RGS7: variants seen among roughly 807,000 people sequenced by gnomAD.
The protein encoded by RGS7 is regulator of G-protein signaling 7.
In RGS7, 27 loss-of-function variants were observed where a neutral mutation model predicts 81.1. The observed-to-expected ratio is 0.33, with a 90% CI of 0.25 to 0.46. RGS7 has a LOEUF of 0.46. Among genes scored for constraint, RGS7 ranks in the 20% least tolerant of loss-of-function variants. The probability of loss-of-function intolerance (pLI) is 1.00; values close to 1 mark genes in which losing one functional copy is unlikely to be tolerated. For synonymous variants in RGS7, 208 were observed against 207.7 expected (o/e 1.00, Z -0.01); for missense variants, 396 against 607.4 (o/e 0.65, Z 3.66).
chr1:241,247,626 G>C (rs1242959207), intron 2 of RGS7, among the ~76,000 whole-genome samples: 1 of 152,052 alleles, frequency 6.6e-6, no homozygotes, highest in Non-Finnish European at 1.5e-5. Context: ...CAGGTGGTAT[G>C]CATGGCCACC....
intron 4 of RGS7, among the ~76,000 whole-genome samples, chr1:240,970,224 A>T (rs1682977340): frequency 6.6e-6 from 1 of 152,196 alleles, no homozygotes; most frequent in South Asian, 2.1e-4. Flanking sequence ...CAGAAACTCA[A>T]ACCTGAAAAA....
chr1:240,867,621 A>G (rs1353212898), intron 9 of RGS7, among the ~76,000 whole-genome samples: 1 of 152,232 alleles, frequency 6.6e-6, no homozygotes, highest in East Asian at 1.9e-4. Context: ...TATGTCATTA[A>G]AAGTGTGAGC....
chr1:241,190,209 T>C (rs1486806370), intron 2 of RGS7, among the ~76,000 whole-genome samples: 1 of 152,208 alleles, frequency 6.6e-6, no homozygotes, highest in Non-Finnish European at 1.5e-5. Flanking sequence ...TCTGTTCCAC[T>C]GATAATCTTG....
At chr1:240,886,268 T>C (rs925621118) in intron 6 of RGS7, among the ~76,000 whole-genome samples, 1 of 152,196 alleles carries the variant, frequency 6.6e-6, no homozygotes, top group African/African-American at 2.4e-5. Context: ...TTGCACCTTT[T>C]TAAAGTACCA....
chr1:241,356,861 G>A (rs1275226342), intron 1 of RGS7, 38 bp downstream of exon 1: 1 of 151,368 alleles, frequency 6.6e-6, no homozygotes, highest in Non-Finnish European at 1.5e-5. Flanking sequence ...AGGGCTCTGG[G>A]TGGCGCTGCC....
chr1:241,260,166 TC>T (rs1353494523), intron 2 of RGS7, among the ~76,000 whole-genome samples: 1 of 152,186 alleles, frequency 6.6e-6, no homozygotes, highest in African/African-American at 2.4e-5. Flanking sequence ...ATCTCACTCT[TC>T]TTTGAGCTCC....
chr1:241,058,284 G>C (rs1226997828), intron 3 of RGS7, among the ~76,000 whole-genome samples: 1 of 152,194 alleles, frequency 6.6e-6, no homozygotes, highest in Non-Finnish European at 1.5e-5. Context: ...TAAACACACT[G>C]CCCATGCTCA....
intron 2 of RGS7, among the ~76,000 whole-genome samples, chr1:241,226,321 GA>G (rs2075305801): frequency 2.0e-5 from 3 of 152,212 alleles, no homozygotes; most frequent in African/African-American, 4.8e-5. Flanking sequence ...CAACGTTTGA[GA>G]GGAGGCTGGA....
intron 2 of RGS7, among the ~76,000 whole-genome samples, chr1:241,202,077 A>G (rs900080711): frequency 6.6e-6 from 1 of 151,066 alleles, no homozygotes; most frequent in Non-Finnish European, 1.5e-5. Flanking sequence ...TACTTCCACA[A>G]CAGTTTGACT....
At chr1:240,969,145 CA>C (rs1682803163) in intron 4 of RGS7, among the ~76,000 whole-genome samples, 1 of 152,160 alleles carries the variant, frequency 6.6e-6, no homozygotes, top group Non-Finnish European at 1.5e-5. Flanking sequence ...TAGCTTTATC[CA>C]GTGCTTTTTA....
intron 2 of RGS7, among the ~76,000 whole-genome samples, chr1:241,206,230 CT>C (rs35296035): frequency 0.033 from 4,463 of 135,906 alleles, 81 homozygotes; most frequent in South Asian, 0.12. Flanking sequence ...AAAGAATGAA[CT>C]TTTTTTTTTT....
At chr1:240,983,973 G>C (rs1387838750) in intron 3 of RGS7, among the ~76,000 whole-genome samples, 1 of 152,158 alleles carries the variant, frequency 6.6e-6, no homozygotes, top group Non-Finnish European at 1.5e-5. Flanking sequence ...GATTTTGAAG[G>C]ATGTATTTTT....
intron 3 of RGS7, among the ~76,000 whole-genome samples, chr1:241,085,190 A>G (rs113954235): frequency 9.2e-5 from 14 of 152,314 alleles, no homozygotes; most frequent in African/African-American, 3.1e-4. Context: ...AATTCATCCA[A>G]TAGGGAAAGC....
chr1:241,084,947 T>C (rs1258189691), intron 3 of RGS7, among the ~76,000 whole-genome samples: 4 of 152,250 alleles, frequency 2.6e-5, no homozygotes, highest in Non-Finnish European at 5.9e-5. Flanking sequence ...AGTTCCATCT[T>C]CAAACACATT....
intron 3 of RGS7, among the ~76,000 whole-genome samples, chr1:241,034,020 C>T (rs537689345): frequency 3.0e-4 from 46 of 152,252 alleles, no homozygotes; most frequent in African/African-American, 8.7e-4. Flanking sequence ...AACTCTTGCA[C>T]GAAGAAGCAT....
intron 3 of RGS7, among the ~76,000 whole-genome samples, chr1:241,050,814 T>G (rs1003455523): frequency 2.0e-5 from 3 of 152,222 alleles, no homozygotes; most frequent in Admixed American, 2.0e-4. Flanking sequence ...TTAATTTTAT[T>G]TTTTCTAGTT....
intron 3 of RGS7, among the ~76,000 whole-genome samples, chr1:241,090,193 T>G (rs1558703005): frequency 6.6e-6 from 1 of 151,980 alleles, no homozygotes; most frequent in Non-Finnish European, 1.5e-5. Context: ...TAGTTAGGAA[T>G]CAATGAGATA....
At chr1:240,921,337 A>G (rs1285892214) in intron 6 of RGS7, among the ~76,000 whole-genome samples, 2 of 152,154 alleles carry the variant, frequency 1.3e-5, no homozygotes, top group Non-Finnish European at 2.9e-5. Context: ...TGAAGAAAAA[A>G]AAAACTAGAT....
At chr1:241,341,343 A>G (rs2082533209) in intron 2 of RGS7, among the ~76,000 whole-genome samples, 1 of 152,230 alleles carries the variant, frequency 6.6e-6, no homozygotes, top group Admixed American at 6.5e-5. Flanking sequence ...AATCATCTGT[A>G]AAGTGAAAAT....
Sources: allele counts gnomAD v4.1 joint callset (sites outside exome capture counted in the v4.1 genomes callset), GRCh38; gene constraint gnomAD v4.1.1; transcripts MANE v1.5; gene names NCBI Gene and HGNC (gene_info 2026-07-23, HGNC 2026-07-21).